RPA1: variants seen among roughly 807,000 people sequenced by gnomAD.
RPA1 encodes the protein replication protein A1.
A neutral mutation model predicts 83.0 loss-of-function variants in RPA1; 49 were observed. The ratio of observed to expected loss-of-function variants is 0.59; its 90% CI spans 0.47 to 0.75. The LOEUF is 0.75. Ranked by LOEUF, RPA1 falls within the 30% of genes least tolerant of loss-of-function variation. RPA1 has a pLI of 0.00. For synonymous variants in RPA1, 279 were observed against 281.8 expected (o/e 0.99, Z 0.10); for missense variants, 693 against 776.1 (o/e 0.89, Z 1.27).
chr17:1,846,299 T>C (rs62066338), intron 4 of RPA1, among the ~76,000 whole-genome samples: 29,626 of 146,340 alleles, frequency 0.2, 3,198 homozygotes, highest in Admixed American at 0.24. Flanking sequence ...TCTTCCCTTG[T>C]AGGAAGCTTT....
chr17:1,880,848 G>T (rs1913766122), intron 12 of RPA1, among the ~76,000 whole-genome samples, 157 bp downstream of exon 12: 1 of 152,164 alleles, frequency 6.6e-6, no homozygotes, highest in South Asian at 2.1e-4. Context: ...CTGTGAGGAG[G>T]GCTTTAAAGC....
Position 1,897,302 on chromosome 17 carries a change from T to G in RPA1, c.*127T>G. The G allele has an allele frequency of 2.8e-6, 2 of 718,550 alleles. No homozygotes were observed. Among genetic ancestry groups the G allele is most frequent in the South Asian group, 1.9e-5 (1 of 53,280 alleles). 44.5% of individuals were successfully genotyped at this position (718,550 alleles called of 1,614,324 possible). A position where few individuals can be genotyped will look rare whatever the true frequency, so the allele number is the denominator to read the frequency against. On this transcript the variant is annotated 3_prime_UTR_variant, in exon 17 of 17. Coordinates refer to ENST00000254719, the MANE Select transcript of RPA1 (RefSeq NM_002945.5). ...GGCTCTTGATGGTGGACTAAGCAAT[T>G]TCCCCCCTCGTGCGCATCTCAGAAC...
chr17:1,893,975 C>G (rs1914294960), intron 15 of RPA1, among the ~76,000 whole-genome samples: 1 of 151,644 alleles, frequency 6.6e-6, no homozygotes, highest in African/African-American at 2.4e-5. Context: ...GTCCTGCCAC[C>G]TCAGTCTCCT....
At chr17:1,876,091 CTT>C (rs916178928) in intron 7 of RPA1, among the ~76,000 whole-genome samples, 1 of 152,076 alleles carries the variant, frequency 6.6e-6, no homozygotes, top group African/African-American at 2.4e-5. Context: ...AGTTGATAGT[CTT>C]ATGAGTAAAA....
intron 5 of RPA1, among the ~76,000 whole-genome samples, chr17:1,856,324 C>T (rs1472087844): frequency 8.2e-6 from 1 of 121,506 alleles, no homozygotes; most frequent in African/African-American, 3.2e-5. Context: ...ATGCCAGGTG[C>T]TGTGGCTCAC....
chr17:1,883,703 GGGCGGGT>G lies in RPA1; in HGVS notation c.1242-106_1242-100del, dbSNP rs369703402. 85 of 1,417,960 alleles carry G rather than the reference GGGCGGGT, an allele frequency of 6.0e-5. 1 individual carries two copies. The African/African-American group carries it at 8.0e-4, about 13-fold the overall frequency. 87.8% of individuals were successfully genotyped at this position (1,417,960 alleles called of 1,614,324 possible). The stretch of plus-strand genomic sequence containing the variant: ...CATGACCGTGACCTGTGTGAAAGCT[GGGCGGGT>G]GGTGGGAAACCTGTGTCTGTCGCGT... On this transcript the variant is annotated intron_variant, in intron 12 of 16. Coordinates refer to ENST00000254719, the MANE Select transcript of RPA1 (RefSeq NM_002945.5).
chr17:1,836,772 G>A (rs986348411), intron 1 of RPA1, among the ~76,000 whole-genome samples: 28 of 150,140 alleles, frequency 1.9e-4, no homozygotes, highest in African/African-American at 6.8e-4. Flanking sequence ...AGAGATCCTC[G>A]CACCTCAGCC....
At chr17:1,833,574 G>T (rs551798183) in intron 1 of RPA1, among the ~76,000 whole-genome samples, 18 of 152,312 alleles carry the variant, frequency 1.2e-4, no homozygotes, top group Admixed American at 2.6e-4. Flanking sequence ...ATGTTTCTAG[G>T]CCAGGCGCAG....
rs149293156 is a variant in RPA1, at chr17:1,880,543, G to A, written c.1093G>A (p.Ala365Thr). The A allele has an allele frequency of 3.4e-5, 55 of 1,613,056 alleles. No individual in the cohort carries two copies. The highest frequency in any genetic ancestry group is 4.7e-5 in the Non-Finnish European group (55 of 1,179,362). Residue 365 changes from alanine (A) to threonine (T), a missense_variant and splice_region_variant, in exon 12 of 17, where the codon GCT becomes ACT. Physicochemically the swap from Ala to Thr is moderately conservative, Grantham distance 58. Coordinates refer to ENST00000254719, the MANE Select transcript of RPA1 (RefSeq NM_002945.5). ...TATATGTCTGGTGTTTCTTTTACAG[G>A]CTGATAAATTTGATGGTTCTAGACA... ...VVTATLWGED[A>T]DKFDGSRQPV...
chr17:1,888,638 G>T, intron 13 of RPA1, 37 bp from the exon 14 acceptor site: 3 of 1,578,958 alleles, frequency 1.9e-6, no homozygotes, highest in Non-Finnish European at 2.6e-6. Context: ...GGGCGGGCTC[G>T]CGACTCCGTG....
chr17:1,889,391 A>C (rs1032416692), intron 14 of RPA1, among the ~76,000 whole-genome samples: 4 of 151,474 alleles, frequency 2.6e-5, no homozygotes, highest in Admixed American at 2.6e-4. Context: ...AATAGAGTGC[A>C]ATGGTATCAT....
intron 13 of RPA1, among the ~76,000 whole-genome samples, chr17:1,886,651 T>G: frequency 6.6e-6 from 1 of 152,164 alleles, no homozygotes; most frequent in East Asian, 1.9e-4. Flanking sequence ...TGACGGCTTA[T>G]TTCCTTAAAC....
intron 5 of RPA1, among the ~76,000 whole-genome samples, chr17:1,855,549 C>T (rs562439924): frequency 6.6e-6 from 1 of 152,258 alleles, no homozygotes; most frequent in African/African-American, 2.4e-5. Flanking sequence ...ATGTATTATT[C>T]TTTTTACATA....
chr17:1,889,335 A>ATTT (rs11393139), intron 14 of RPA1, among the ~76,000 whole-genome samples: 4 of 146,974 alleles, frequency 2.7e-5, no homozygotes, highest in South Asian at 2.2e-4. Context: ...GTTTAAAAAA[A>ATTT]TTTTTTTTTT....
Position 1,880,618 on chromosome 17 carries a change from A to G in RPA1, c.1168A>G (p.Ser390Gly), listed in dbSNP as rs1290422463. ...GARVSDFGGRSLSVLSSSTII... is the reference protein window; with the variant it reads ...GARVSDFGGRGLSVLSSSTII... ...CCGAGTCTCTGATTTCGGTGGACGG[A>G]GCCTCTCCGTGCTGTCTTCAAGCAC... The change falls in exon 12 of 17, where the codon AGC (serine) becomes GGC (glycine). Residue 390 changes from serine (S) to glycine (G), a missense_variant. By Grantham distance (56) the Ser-to-Gly change is moderately conservative. Coordinates refer to ENST00000254719, the MANE Select transcript of RPA1 (RefSeq NM_002945.5). 1.9e-6 allele frequency: 3 copies of G among 1,613,814 alleles called. No individual in the cohort carries two copies. Among genetic ancestry groups the G allele is most frequent in the South Asian group, 1.1e-5 (1 of 91,068 alleles).
chr17:1,835,822 G>A (rs1018463525), intron 1 of RPA1, among the ~76,000 whole-genome samples: 1 of 151,914 alleles, frequency 6.6e-6, no homozygotes, highest in Admixed American at 6.6e-5. Flanking sequence ...AAAATCAAAC[G>A]GAACAGAAAG....
chr17:1,892,196 G>T (rs1021797436), intron 15 of RPA1, among the ~76,000 whole-genome samples: 1 of 152,020 alleles, frequency 6.6e-6, no homozygotes, highest in Non-Finnish European at 1.5e-5. Context: ...TAGTAGAGAC[G>T]GGGTTTTACC....
chr17:1,889,482 T>G (rs949339128), intron 14 of RPA1, among the ~76,000 whole-genome samples: 3 of 151,988 alleles, frequency 2.0e-5, no homozygotes, highest in African/African-American at 7.2e-5. Flanking sequence ...ACTACAGCTG[T>G]GCACCACCAC....
At chr17:1,873,923 G>A (rs1208753052) in intron 6 of RPA1, among the ~76,000 whole-genome samples, 3 of 148,010 alleles carry the variant, frequency 2.0e-5, no homozygotes, top group African/African-American at 7.5e-5. Flanking sequence ...AACCCAGGAG[G>A]CGTAGGTTGC....
Sources: allele counts gnomAD v4.1 joint callset (sites outside exome capture counted in the v4.1 genomes callset), GRCh38; gene constraint gnomAD v4.1.1; transcripts MANE v1.5; gene names NCBI Gene and HGNC (gene_info 2026-07-23, HGNC 2026-07-21).